The following TNNI3K variants were observed in gnomAD, a reference collection of about 807,000 sequenced individuals.
TNNI3K encodes serine/threonine-protein kinase TNNI3K.
TNNI3K carries 140 observed loss-of-function variants against 114.5 expected under a neutral mutation model. That is an observed-to-expected ratio of 1.22 (90% confidence interval 1.07 to 1.41). The LOEUF (loss-of-function observed/expected upper bound fraction) is 1.41. TNNI3K is among the 40% of genes most tolerant of loss of function. The pLI, the probability that TNNI3K is intolerant of heterozygous loss-of-function variation, is 0.00. For missense variants in TNNI3K, 1,125 were observed against 1,007.6 expected (o/e 1.12, Z -1.58); for synonymous variants, 347 against 347.5 (o/e 1.00, Z 0.02).
At chr1:74,324,312 A>G (rs1038962152) in intron 5 of TNNI3K, among the ~76,000 whole-genome samples, 5 of 152,236 alleles carry the variant, frequency 3.3e-5, no homozygotes, top group Admixed American at 6.5e-5. Flanking sequence ...AACAGGCTCA[A>G]TATGTCAGTC....
chr1:74,536,662 A>G (rs1646664001), intron 23 of TNNI3K, among the ~76,000 whole-genome samples: 1 of 152,158 alleles, frequency 6.6e-6, no homozygotes, highest in Admixed American at 6.6e-5. Flanking sequence ...TTCATTTTAC[A>G]TCCACAAAAT....
At chr1:74,303,463 C>G (rs1658449616) in intron 5 of TNNI3K, among the ~76,000 whole-genome samples, 1 of 152,122 alleles carries the variant, frequency 6.6e-6, no homozygotes, top group South Asian at 2.1e-4. Context: ...CTGTGCTCAG[C>G]CGGTATACTG....
intron 5 of TNNI3K, among the ~76,000 whole-genome samples, chr1:74,294,456 T>G (rs760732665): frequency 6.7e-4 from 102 of 152,044 alleles, no homozygotes; most frequent in Non-Finnish European, 1.4e-3. Flanking sequence ...TGGCTCAGGG[T>G]GCATTTTGCA....
At chr1:74,516,190 G>C (rs766198707) in intron 23 of TNNI3K, among the ~76,000 whole-genome samples, 17 of 152,064 alleles carry the variant, frequency 1.1e-4, no homozygotes, top group Admixed American at 1.1e-3. Flanking sequence ...ATTTATTTCT[G>C]TTCTGAAATT....
intron 23 of TNNI3K, among the ~76,000 whole-genome samples, chr1:74,502,567 C>T (rs1206363376): frequency 6.6e-6 from 1 of 152,156 alleles, no homozygotes; most frequent in African/African-American, 2.4e-5. Context: ...AACGTTATGT[C>T]AAGTTTGGGC....
At chr1:74,467,753 C>A (rs1667739725) in intron 21 of TNNI3K, among the ~76,000 whole-genome samples, 1 of 152,020 alleles carries the variant, frequency 6.6e-6, no homozygotes. Flanking sequence ...ATGTGGGCTG[C>A]AAACTATGTA....
chr1:74,281,972 A>T (rs573619003), intron 5 of TNNI3K, among the ~76,000 whole-genome samples: 2 of 152,260 alleles, frequency 1.3e-5, no homozygotes, highest in East Asian at 3.9e-4. Context: ...TTTCAATTGA[A>T]TTATCATTGT....
chr1:74,245,174 T>G (rs191969454), intron 2 of TNNI3K, among the ~76,000 whole-genome samples: 2 of 152,254 alleles, frequency 1.3e-5, no homozygotes, highest in East Asian at 3.9e-4. Context: ...GATAAGATAT[T>G]GGAAAAAAGA....
intron 4 of TNNI3K, among the ~76,000 whole-genome samples, chr1:74,256,042 A>T (rs1323767694): frequency 6.6e-6 from 1 of 152,132 alleles, no homozygotes; most frequent in Non-Finnish European, 1.5e-5. Flanking sequence ...CCAGATTTTG[A>T]CCATTATAAA....
intron 2 of TNNI3K, among the ~76,000 whole-genome samples, chr1:74,247,236 C>A (rs1017296311): frequency 6.6e-6 from 1 of 151,868 alleles, no homozygotes. Flanking sequence ...GTGAAGCCGC[C>A]GACCTTCGCA....
At chr1:74,511,297 A>T (rs1467219473) in intron 23 of TNNI3K, among the ~76,000 whole-genome samples, 1 of 151,988 alleles carries the variant, frequency 6.6e-6, no homozygotes, top group African/African-American at 2.4e-5. Flanking sequence ...GGTTCAAGCA[A>T]TTCTCGTGCC....
chr1:74,519,974 TG>T (rs1488053463), intron 23 of TNNI3K, among the ~76,000 whole-genome samples: 1 of 152,190 alleles, frequency 6.6e-6, no homozygotes, highest in East Asian at 1.9e-4. Context: ...ATTTTCTCTG[TG>T]GGATCTTGCC....
intron 9 of TNNI3K, among the ~76,000 whole-genome samples, chr1:74,344,997 ATG>A (rs1464356395): frequency 6.6e-6 from 1 of 152,038 alleles, no homozygotes; most frequent in Non-Finnish European, 1.5e-5. Flanking sequence ...ACAAATATAT[ATG>A]TATATATATG....
intron 23 of TNNI3K, among the ~76,000 whole-genome samples, chr1:74,539,987 G>A (rs951981051): frequency 2.6e-5 from 4 of 152,026 alleles, no homozygotes; most frequent in African/African-American, 9.7e-5. Context: ...GCTCAGAAAG[G>A]ATGGCATACC....
intron 20 of TNNI3K, among the ~76,000 whole-genome samples, chr1:74,449,692 C>T (rs1031791649): frequency 2.0e-5 from 3 of 151,502 alleles, no homozygotes; most frequent in South Asian, 2.1e-4. Flanking sequence ...ATCAATTCAA[C>T]AAGAAGAGCT....
intron 17 of TNNI3K, among the ~76,000 whole-genome samples, chr1:74,434,697 A>G (rs979948489): frequency 6.6e-6 from 1 of 151,990 alleles, no homozygotes; most frequent in Non-Finnish European, 1.5e-5. Flanking sequence ...ATTTGTGGTT[A>G]AAGACATCAT....
intron 4 of TNNI3K, among the ~76,000 whole-genome samples, chr1:74,258,504 T>C (rs1655467641): frequency 6.6e-6 from 1 of 152,258 alleles, no homozygotes; most frequent in Non-Finnish European, 1.5e-5. Context: ...AGAACAGTTA[T>C]GTCATATATT....
chr1:74,475,527 G>A (rs1045908513), intron 21 of TNNI3K: 6 of 717,248 alleles, frequency 8.4e-6, no homozygotes, highest in East Asian at 5.4e-5. Flanking sequence ...TAAATGATCC[G>A]TCAAGGGTTG....
intron 20 of TNNI3K, among the ~76,000 whole-genome samples, chr1:74,458,983 C>T (rs1667338609): frequency 6.6e-6 from 1 of 152,118 alleles, no homozygotes; most frequent in Non-Finnish European, 1.5e-5. Flanking sequence ...AAGTTTAGTT[C>T]CCACTTATAG....
Sources: gnomAD v4.1 joint callset for allele counts (sites outside exome capture counted in the v4.1 genomes callset) on GRCh38, gnomAD v4.1.1 for gene constraint, MANE v1.5 for transcripts, NCBI Gene and HGNC (gene_info 2026-07-23, HGNC 2026-07-21) for gene names.